Variants in MORC1 observed in about 807,000 individuals in gnomAD.
The protein encoded by MORC1 is MORC family CW-type zinc finger protein 1.
MORC1 carries 59 observed loss-of-function variants against 134.9 expected under a neutral mutation model. That is an observed-to-expected ratio of 0.44 (90% CI 0.35 to 0.54). The LOEUF (loss-of-function observed/expected upper bound fraction) is 0.54. MORC1 is among the 20% of genes least tolerant of loss of function. The probability of loss-of-function intolerance (pLI) is 0.00; values close to 1 mark genes in which losing one functional copy is unlikely to be tolerated. For missense variants in MORC1, 947 were observed against 1,134.5 expected (o/e 0.83, Z 2.37); for synonymous variants, 395 against 391.7 (o/e 1.01, Z -0.10).
chr3:109,081,809 T>C (rs1950525800), intron 8 of MORC1, among the ~76,000 whole-genome samples: 1 of 152,144 alleles, frequency 6.6e-6, no homozygotes, highest in African/African-American at 2.4e-5. Flanking sequence ...CATCTTCTAA[T>C]ATGCAGAAAA....
At chr3:108,979,729 T>G (rs1255799465) in intron 23 of MORC1, 62 bp from the exon 24 acceptor site, 35 of 1,565,678 alleles carry the variant, frequency 2.2e-5, no homozygotes, top group Non-Finnish European at 2.7e-5. Context: ...GAAACACTAA[T>G]ATACAAAAAT....
chr3:109,010,428 A>AT (rs1229542887), intron 17 of MORC1, among the ~76,000 whole-genome samples: 1 of 151,942 alleles, frequency 6.6e-6, no homozygotes, highest in Non-Finnish European at 1.5e-5. Context: ...CATAAAAATG[A>AT]TTTTTTTCAT....
At chr3:109,091,446 AAAATAAATAAATAAAT>A (rs56865589) in intron 8 of MORC1, among the ~76,000 whole-genome samples, 16 of 146,942 alleles carry the variant, frequency 1.1e-4, no homozygotes, top group African/African-American at 3.8e-4. Flanking sequence ...TCCATCTAAA[AAAATAAATAAATAAAT>A]AAATAAATAA....
At chr3:109,034,578 T>C (rs1949328779) in intron 15 of MORC1, among the ~76,000 whole-genome samples, 1 of 152,194 alleles carries the variant, frequency 6.6e-6, no homozygotes, top group Non-Finnish European at 1.5e-5. Flanking sequence ...GTTCAGTGAT[T>C]CAGTTGTCAG....
At chr3:109,044,974 A>G (rs893270300) in intron 14 of MORC1, among the ~76,000 whole-genome samples, 5 of 151,926 alleles carry the variant, frequency 3.3e-5, no homozygotes, top group Non-Finnish European at 1.5e-5. Flanking sequence ...AAAGAAATAC[A>G]ACATCCTCTT....
intron 16 of MORC1, among the ~76,000 whole-genome samples, chr3:109,030,392 A>T (rs1458484471): frequency 1.3e-5 from 2 of 152,154 alleles, no homozygotes; most frequent in African/African-American, 4.8e-5. Context: ...TCATCAGAAC[A>T]ATTTCTTCCC....
intron 21 of MORC1, among the ~76,000 whole-genome samples, chr3:108,987,405 G>C (rs1947924512): frequency 6.6e-6 from 1 of 152,116 alleles, no homozygotes; most frequent in Non-Finnish European, 1.5e-5. Flanking sequence ...AAGAGTTTGG[G>C]GCTGGGGCCT....
chr3:109,073,577 C>T (rs889182737), intron 8 of MORC1, among the ~76,000 whole-genome samples: 1 of 152,034 alleles, frequency 6.6e-6, no homozygotes, highest in African/African-American at 2.4e-5. Flanking sequence ...GACAACAGAC[C>T]CCCATCTAGC....
rs185017776 is a variant in MORC1, at chr3:108,990,106, C to T, written c.2188-3157G>A. Among the ~76,000 whole-genome samples the T allele has an allele frequency of 5.5e-3, 836 of 152,282 alleles. 11 individuals are homozygous for T. The highest frequency in any genetic ancestry group is 0.03 in the South Asian group (144 of 4,830). ...ATGCCTTTTCTCCTCTGCCTTCCACCACGATTGGAGGCCTCCCCAGCCATG... is the reference window on the plus strand; with the variant it reads ...ATGCCTTTTCTCCTCTGCCTTCCACTACGATTGGAGGCCTCCCCAGCCATG... On this transcript the variant is annotated intron_variant, in intron 21 of 27. Transcript: ENST00000232603.
At chr3:109,078,074 C>A (rs6782657) in intron 8 of MORC1, among the ~76,000 whole-genome samples, 133,953 of 152,072 alleles carry the variant, frequency 0.88, 59,069 homozygotes, top group East Asian at 0.93. Context: ...ATGACTCAGA[C>A]AAATAGATAA....
At chr3:108,966,300 T>A (rs1187838827) in intron 26 of MORC1, among the ~76,000 whole-genome samples, 2 of 152,076 alleles carry the variant, frequency 1.3e-5, no homozygotes, top group East Asian at 3.9e-4. Flanking sequence ...ATTCAAAGAG[T>A]AGGAGCTCTA....
At chr3:109,111,061 A>C (rs866383971) in intron 2 of MORC1, among the ~76,000 whole-genome samples, 20 of 150,622 alleles carry the variant, frequency 1.3e-4, no homozygotes, top group Non-Finnish European at 2.2e-4. Flanking sequence ...AAAAAAAAAA[A>C]AAAAAAACAA....
At chr3:109,021,165 C>T (rs1177839764) in intron 17 of MORC1, among the ~76,000 whole-genome samples, 1 of 152,184 alleles carries the variant, frequency 6.6e-6, no homozygotes, top group Non-Finnish European at 1.5e-5. Flanking sequence ...AGTCAGGGAA[C>T]AGGCCCTGAG....
intron 17 of MORC1, among the ~76,000 whole-genome samples, chr3:109,009,196 C>G (rs1408130898): frequency 7.1e-6 from 1 of 141,818 alleles, no homozygotes; most frequent in African/African-American, 2.6e-5. Context: ...CCTATTTTTA[C>G]GTTTTTTGTT....
chr3:109,051,781 AAAC>A, intron 14 of MORC1, among the ~76,000 whole-genome samples: 1 of 152,140 alleles, frequency 6.6e-6, no homozygotes. Flanking sequence ...AGAAGGTGAG[AAAC>A]AATTAGATAA....
chr3:109,064,563 T>C (rs533480062), intron 9 of MORC1, among the ~76,000 whole-genome samples: 46 of 151,092 alleles, frequency 3.0e-4, no homozygotes, highest in Non-Finnish European at 6.5e-4. Flanking sequence ...AAATCAAATA[T>C]AGTATTTTAA....
At chr3:108,980,048 C>T (rs1195877406) in intron 23 of MORC1, among the ~76,000 whole-genome samples, 1 of 152,090 alleles carries the variant, frequency 6.6e-6, no homozygotes, top group African/African-American at 2.4e-5. Context: ...AATGGATATA[C>T]TTAAAAAGCA....
intron 9 of MORC1, among the ~76,000 whole-genome samples, chr3:109,064,429 G>C (rs1429917711): frequency 1.3e-5 from 2 of 152,166 alleles, no homozygotes; most frequent in Non-Finnish European, 2.9e-5. Flanking sequence ...TGCTGCAGAA[G>C]TATAGAGCAT....
intron 12 of MORC1, among the ~76,000 whole-genome samples, chr3:109,059,449 T>A (rs900593286): frequency 6.6e-6 from 1 of 152,188 alleles, no homozygotes; most frequent in Non-Finnish European, 1.5e-5. Flanking sequence ...AGAATTTAAA[T>A]GGCAAATGAC....
Sources: gnomAD v4.1 joint callset for allele counts (sites outside exome capture counted in the v4.1 genomes callset) on GRCh38, gnomAD v4.1.1 for gene constraint, MANE v1.5 for transcripts, NCBI Gene and HGNC (gene_info 2026-07-23, HGNC 2026-07-21) for gene names.